SHISA9: variants seen among roughly 807,000 people sequenced by gnomAD.
SHISA9 encodes protein shisa-9.
A neutral mutation model predicts 38.0 loss-of-function variants in SHISA9; 13 were observed. The ratio of observed to expected loss-of-function variants is 0.34; its 90% confidence interval spans 0.22 to 0.54. The LOEUF (loss-of-function observed/expected upper bound fraction) is 0.54. Among genes scored for constraint, SHISA9 ranks in the 20% least tolerant of loss-of-function variants. The pLI, the probability that SHISA9 is intolerant of heterozygous loss-of-function variation, is 0.91. For synonymous variants in SHISA9, 275 were observed against 242.0 expected (o/e 1.14, Z -1.27); for missense variants, 538 against 575.8 (o/e 0.93, Z 0.67).
At chr16:13,055,906 C>A (rs746735325) in intron 2 of SHISA9, among the ~76,000 whole-genome samples, 5 of 152,212 alleles carry the variant, frequency 3.3e-5, no homozygotes, top group South Asian at 2.1e-4. Context: ...GTCCAACAAG[C>A]CTTTGCTGAG....
chr16:13,496,481 TAAAG>T, the SHISA9 span, among the ~76,000 whole-genome samples: 2 of 152,074 alleles, frequency 1.3e-5, no homozygotes, highest in African/African-American at 4.8e-5. Flanking sequence ...CAACATTATA[TAAAG>T]AGAGTTTTCA....
chr16:13,011,451 T>C (rs1243981387), intron 2 of SHISA9, among the ~76,000 whole-genome samples: 2 of 151,934 alleles, frequency 1.3e-5, no homozygotes, highest in Non-Finnish European at 2.9e-5. Context: ...ATATCTGCTA[T>C]TTTGTGTCCT....
At chr16:13,524,105 G>A in the SHISA9 span, among the ~76,000 whole-genome samples, 21 of 152,220 alleles carry the variant, frequency 1.4e-4, no homozygotes, top group African/African-American at 3.9e-4. Context: ...TGACCATTAT[G>A]CTATACTGCC....
intron 2 of SHISA9, among the ~76,000 whole-genome samples, chr16:13,098,493 C>T (rs1448953138): frequency 2.6e-5 from 4 of 152,170 alleles, no homozygotes; most frequent in Admixed American, 2.0e-4. Flanking sequence ...TCCCTCTTGC[C>T]TTTGGAATTT....
intron 2 of SHISA9, among the ~76,000 whole-genome samples, chr16:12,977,795 C>A (rs2072184553): frequency 6.6e-6 from 1 of 151,628 alleles, no homozygotes; most frequent in African/African-American, 2.4e-5. Flanking sequence ...GGGAGGGGAA[C>A]AACACACACT....
chr16:13,550,983 C>T, the SHISA9 span, among the ~76,000 whole-genome samples: 2 of 152,006 alleles, frequency 1.3e-5, no homozygotes, highest in Non-Finnish European at 2.9e-5. Flanking sequence ...ATTAGCCGGG[C>T]ATGTTGGTGG....
At chr16:13,317,998 G>GTT in the SHISA9 span, among the ~76,000 whole-genome samples, 1,867 of 146,616 alleles carry the variant, frequency 0.013, 16 homozygotes, top group African/African-American at 0.024. Flanking sequence ...CAAATGCCTT[G>GTT]TTTTTTTTTT....
chr16:13,370,161 C>A, the SHISA9 span, among the ~76,000 whole-genome samples: 3 of 152,138 alleles, frequency 2.0e-5, no homozygotes, highest in African/African-American at 4.8e-5. Context: ...CCCGGGGTGC[C>A]ACGACCATGG....
At chr16:13,169,425 G>T in intron 2 of SHISA9, among the ~76,000 whole-genome samples, 1 of 152,086 alleles carries the variant, frequency 6.6e-6, no homozygotes, top group South Asian at 2.1e-4. Flanking sequence ...AACACTGAAA[G>T]GCCATTATGT....
chr16:13,119,536 C>A (rs1567218773), intron 2 of SHISA9, among the ~76,000 whole-genome samples: 1 of 151,838 alleles, frequency 6.6e-6, no homozygotes, highest in Non-Finnish European at 1.5e-5. Context: ...ATTAATAAAC[C>A]ATCCAATAAC....
intron 2 of SHISA9, among the ~76,000 whole-genome samples, chr16:13,032,289 C>A (rs906153498): frequency 1.3e-5 from 2 of 152,064 alleles, no homozygotes; most frequent in African/African-American, 4.8e-5. Flanking sequence ...GTTTTCTGTT[C>A]CTGTGTCAGT....
chr16:13,365,517 C>T, the SHISA9 span, among the ~76,000 whole-genome samples: 4 of 135,224 alleles, frequency 3.0e-5, no homozygotes, highest in East Asian at 2.2e-4. Context: ...AGAACAGTGG[C>T]GGGATCTTGG....
the SHISA9 span, among the ~76,000 whole-genome samples, chr16:13,552,417 G>T: frequency 2.0e-5 from 3 of 151,980 alleles, no homozygotes; most frequent in Admixed American, 2.0e-4. Context: ...GGAAGGGCAG[G>T]TGTCACGATG....
chr16:13,556,085 A>G, the SHISA9 span, among the ~76,000 whole-genome samples: 1 of 152,204 alleles, frequency 6.6e-6, no homozygotes, highest in African/African-American at 2.4e-5. Context: ...AGACAAAGCC[A>G]CTTTCCGATT....
At chr16:12,985,291 G>T (rs2072293790) in intron 2 of SHISA9, among the ~76,000 whole-genome samples, 1 of 152,056 alleles carries the variant, frequency 6.6e-6, no homozygotes, top group South Asian at 2.1e-4. Context: ...GGTGTTGGAT[G>T]GGAGAGGGTG....
chr16:13,382,994 G>C, the SHISA9 span, among the ~76,000 whole-genome samples: 3 of 152,206 alleles, frequency 2.0e-5, no homozygotes, highest in Non-Finnish European at 4.4e-5. Flanking sequence ...CAGTCACTAA[G>C]TGTTCGTTGC....
intron 2 of SHISA9, among the ~76,000 whole-genome samples, chr16:13,110,389 C>T (rs769965778): frequency 6.6e-6 from 1 of 152,154 alleles, no homozygotes; most frequent in Non-Finnish European, 1.5e-5. Flanking sequence ...GCGATGTTTC[C>T]GTGCTGAAAA....
At chr16:13,348,855 C>T in the SHISA9 span, among the ~76,000 whole-genome samples, 1 of 152,036 alleles carries the variant, frequency 6.6e-6, no homozygotes, top group South Asian at 2.1e-4. Flanking sequence ...TACAGAGTTC[C>T]CTCATTTGTA....
At chr16:13,295,660 T>C in the SHISA9 span, among the ~76,000 whole-genome samples, 4 of 152,064 alleles carry the variant, frequency 2.6e-5, no homozygotes, top group African/African-American at 9.7e-5. Flanking sequence ...GCTAGGCAGG[T>C]AAGAGATGTG....
Sources: gnomAD v4.1 joint callset for allele counts (sites outside exome capture counted in the v4.1 genomes callset) on GRCh38, gnomAD v4.1.1 for gene constraint, MANE v1.5 for transcripts, NCBI Gene and HGNC (gene_info 2026-07-23, HGNC 2026-07-21) for gene names.